The following ECT2L variants were observed in gnomAD, a reference collection of about 807,000 sequenced individuals.
ECT2L encodes the protein epithelial cell-transforming sequence 2 oncogene-like.
Under a neutral mutation model 122.8 loss-of-function variants are expected in ECT2L, and 126 were observed. The ratio of observed to expected loss-of-function variants is 1.03; its 90% CI spans 0.89 to 1.19. ECT2L has a LOEUF of 1.19. Among genes scored for constraint, ECT2L ranks in the 50% most tolerant of loss-of-function variants. ECT2L has a pLI of 0.00. For missense variants in ECT2L, 1,012 were observed against 1,064.1 expected, an observed-to-expected ratio of 0.95 and a Z score of 0.68; for synonymous variants, 385 against 381.8, an observed-to-expected ratio of 1.01 and a Z score of -0.10.
chr6:138,847,355 CTTTTTTTTTTT>C (rs1170631663), intron 8 of ECT2L, among the ~76,000 whole-genome samples: 86 of 54,950 alleles, frequency 1.6e-3, no homozygotes, highest in African/African-American at 6.4e-3. Flanking sequence ...AAGGCCCAAA[CTTTTTTTTTTT>C]TTTTTTTTTT....
intron 4 of ECT2L, among the ~76,000 whole-genome samples, chr6:138,814,912 A>G (rs1776019263): frequency 6.6e-6 from 1 of 152,238 alleles, no homozygotes. Flanking sequence ...ACCATCAGAC[A>G]GACAATATAT....
At chr6:138,822,930 G>A (rs1171466580) in intron 4 of ECT2L, 3 of 1,613,606 alleles carry the variant, frequency 1.9e-6, no homozygotes, top group Admixed American at 1.7e-5. Flanking sequence ...CAATTCCATG[G>A]TAGTGGCAAT....
intron 19 of ECT2L, among the ~76,000 whole-genome samples, chr6:138,888,506 G>T (rs572614483): frequency 6.6e-6 from 1 of 151,776 alleles, no homozygotes; most frequent in East Asian, 1.9e-4. Flanking sequence ...TAGAGACAGG[G>T]TTTCACCATG....
chr6:138,855,002 T>G (rs1482665693), intron 10 of ECT2L, among the ~76,000 whole-genome samples: 1 of 152,162 alleles, frequency 6.6e-6, no homozygotes, highest in African/African-American at 2.4e-5. Context: ...TGTTAGCCAT[T>G]CCTTGGGTAA....
At chr6:138,818,009 T>A (rs1240199317) in intron 4 of ECT2L, among the ~76,000 whole-genome samples, 1 of 152,108 alleles carries the variant, frequency 6.6e-6, no homozygotes, top group Non-Finnish European at 1.5e-5. Flanking sequence ...CCGTGAGGAG[T>A]TTGAATCAGT....
chr6:138,838,189 A>G (rs1776910150), intron 4 of ECT2L, among the ~76,000 whole-genome samples, 163 bp from the exon 5 acceptor site: 1 of 152,234 alleles, frequency 6.6e-6, no homozygotes, highest in South Asian at 2.1e-4. Context: ...AGCATGAGCC[A>G]CGGCACCTGG....
In ECT2L at chr6:138,903,895, C is replaced by T. The variant is rs182638255; in HGVS notation, c.*1268C>T. The T allele has an allele frequency of 6.6e-6, 1 of 152,122 alleles. No individual in the cohort carries two copies. Among genetic ancestry groups the T allele is most frequent in the African/African-American group, 2.4e-5 (1 of 41,422 alleles). 9.4% of individuals were successfully genotyped at this position (152,122 alleles called of 1,614,324 possible). On this transcript the variant is annotated 3_prime_UTR_variant, in exon 22 of 22. Transcript: ENST00000541398. ...AAATTCTTGTTTACAGTAACAAAGT[C>T]TATCGGTGCAGTTTAGGACTGTGAA...
At chr6:138,837,870 T>C (rs1033061050) in intron 4 of ECT2L, among the ~76,000 whole-genome samples, 2 of 151,916 alleles carry the variant, frequency 1.3e-5, no homozygotes, top group Non-Finnish European at 2.9e-5. Flanking sequence ...TTCTTTGTCT[T>C]CCTTTTTAGA....
intron 20 of ECT2L, among the ~76,000 whole-genome samples, chr6:138,897,333 A>C (rs1779249833): frequency 6.6e-6 from 1 of 152,176 alleles, no homozygotes; most frequent in Non-Finnish European, 1.5e-5. Flanking sequence ...AAAATAAATA[A>C]ATACAATTAA....
chr6:138,855,323 C>A (rs1178629251), intron 10 of ECT2L, among the ~76,000 whole-genome samples: 1 of 151,986 alleles, frequency 6.6e-6, no homozygotes. Flanking sequence ...GCCTGGCCAA[C>A]ATGGCAAAAC....
At chr6:138,867,655 C>CAAAAAAAAAAAAAAA (rs71009601) in intron 12 of ECT2L, among the ~76,000 whole-genome samples, 1 of 114,444 alleles carries the variant, frequency 8.7e-6, no homozygotes. Flanking sequence ...CCTAAAACTA[C>CAAAAAAAAAAAAAAA]AAAAAAAAAA....
chr6:138,843,862 T>G (rs1777127619), intron 6 of ECT2L, among the ~76,000 whole-genome samples: 1 of 152,092 alleles, frequency 6.6e-6, no homozygotes, highest in African/African-American at 2.4e-5. Flanking sequence ...GCTAATTTTT[T>G]GTATTTTTGT....
intron 4 of ECT2L, 47 bp downstream of exon 4, chr6:138,814,650 C>T: frequency 8.3e-7 from 1 of 1,199,626 alleles, no homozygotes; most frequent in Non-Finnish European, 1.2e-6. Flanking sequence ...TTAAAGAAAA[C>T]CGTATATAAA....
At chr6:138,845,803 G>C (rs1388430528) in intron 7 of ECT2L, among the ~76,000 whole-genome samples, 1 of 152,162 alleles carries the variant, frequency 6.6e-6, no homozygotes, top group Admixed American at 6.5e-5. Flanking sequence ...AGGCATGATG[G>C]CTCACGCTTA....
intron 5 of ECT2L, among the ~76,000 whole-genome samples, chr6:138,842,480 A>G (rs1468095810): frequency 1.3e-5 from 2 of 149,010 alleles, no homozygotes; most frequent in Admixed American, 6.7e-5. Context: ...ACATAGAAAT[A>G]AAAATAAAAG....
intron 16 of ECT2L, among the ~76,000 whole-genome samples, chr6:138,885,114 C>T (rs1467250515): frequency 2.7e-5 from 4 of 150,012 alleles, no homozygotes; most frequent in Non-Finnish European, 5.9e-5. Context: ...CTGCAAGCTC[C>T]GCCTCACAGG....
chr6:138,871,169 A>G (rs1778238809), intron 13 of ECT2L, among the ~76,000 whole-genome samples: 1 of 152,198 alleles, frequency 6.6e-6, no homozygotes, highest in East Asian at 1.9e-4. Flanking sequence ...TGAGAATTAC[A>G]TTGTCGTTCA....
intron 2 of ECT2L, 44 bp from the exon 3 acceptor site, chr6:138,813,124 ATAAT>A: frequency 1.8e-6 from 1 of 550,512 alleles, no homozygotes; most frequent in South Asian, 2.9e-5. Context: ...GTGAATTTCT[ATAAT>A]TATATAATTC....
At chr6:138,818,340 T>A (rs1297251766) in intron 4 of ECT2L, among the ~76,000 whole-genome samples, 1 of 152,118 alleles carries the variant, frequency 6.6e-6, no homozygotes. Context: ...CAGCCCCCTC[T>A]CCCACTTCAT....
Sources: allele counts gnomAD v4.1 joint callset (sites outside exome capture counted in the v4.1 genomes callset), GRCh38; gene constraint gnomAD v4.1.1; transcripts MANE v1.5; gene names NCBI Gene and HGNC (gene_info 2026-07-23, HGNC 2026-07-21).